The following LAMB1 variants were observed in gnomAD, a reference collection of about 807,000 sequenced individuals.
LAMB1 encodes the protein laminin subunit beta-1.
LAMB1 carries 121 observed loss-of-function variants against 222.3 expected under a neutral mutation model. That is an observed-to-expected ratio of 0.54 (90% confidence interval 0.47 to 0.63). The LOEUF (loss-of-function observed/expected upper bound fraction) is 0.63. Ranked by LOEUF, LAMB1 falls within the 30% of genes least tolerant of loss-of-function variation. The pLI is 0.00. For missense variants in LAMB1, 2,172 were observed against 2,240.8 expected, an observed-to-expected ratio of 0.97 and a Z score of 0.62; for synonymous variants, 794 against 807.2, an observed-to-expected ratio of 0.98 and a Z score of 0.28.
chr7:107,954,219 A>G (rs1218196541), intron 21 of LAMB1, among the ~76,000 whole-genome samples: 1 of 152,078 alleles, frequency 6.6e-6, no homozygotes, highest in African/African-American at 2.4e-5. Flanking sequence ...CAGTGACATG[A>G]TAATAGCTCA....
intron 13 of LAMB1, among the ~76,000 whole-genome samples, chr7:107,969,593 G>A (rs372016097): frequency 1.3e-5 from 2 of 152,124 alleles, no homozygotes; most frequent in African/African-American, 4.8e-5. Flanking sequence ...CTTAATGACT[G>A]GGATATGTTC....
chr7:107,975,374 A>G lies in LAMB1; in HGVS notation c.1229T>C (p.Ile410Thr). 1 of 1,613,562 alleles carries G rather than the reference A, an allele frequency of 6.2e-7. No homozygotes were observed. Among genetic ancestry groups the G allele is most frequent in the East Asian group, 2.2e-5 (1 of 44,882 alleles). ...CDPAGSQNEG[I>T]CDSYTDFSTG... ...AGAAAAATCAGTATAGCTGTCACAAATTCCCTCATTTTGAGAGCCAGCTGG... is the reference window on the plus strand; with the variant it reads ...AGAAAAATCAGTATAGCTGTCACAAGTTCCCTCATTTTGAGAGCCAGCTGG... Residue 410 changes from isoleucine (I) to threonine (T), a missense_variant, in exon 11 of 34, where the codon ATT becomes ACT. Coordinates refer to ENST00000222399, the MANE Select transcript of LAMB1 (RefSeq NM_002291.3).
chr7:107,976,713 A>G (rs923883327), intron 9 of LAMB1, among the ~76,000 whole-genome samples: 3 of 152,310 alleles, frequency 2.0e-5, no homozygotes, highest in Admixed American at 2.0e-4. Context: ...ACCTTGGAGT[A>G]ATCCTTCCCA....
Position 107,923,807 on chromosome 7 carries a change from A to G in LAMB1, c.*144T>C, listed in dbSNP as rs2032486909. 1 of 719,908 alleles carries G rather than the reference A, an allele frequency of 1.4e-6. No homozygotes were observed. Among genetic ancestry groups the G allele is most frequent in the Non-Finnish European group, 2.2e-6 (1 of 461,172 alleles). The allele number at this position is 719,908 out of a possible 1,614,324, so 44.6% of individuals were successfully genotyped here. A position where few individuals can be genotyped will look rare whatever the true frequency, so the allele number is the denominator to read the frequency against. On this transcript the variant is annotated 3_prime_UTR_variant, in exon 34 of 34. Transcript: ENST00000222399. ...TAACAAGTACACCAAAATATATACA[A>G]AAGCACTGTACTTTATTTAACTCCA...
At chr7:107,961,755 A>G (rs1277496803) in intron 15 of LAMB1, 79 bp from the exon 16 acceptor site, 6 of 1,461,862 alleles carry the variant, frequency 4.1e-6, no homozygotes, top group Non-Finnish European at 5.6e-6. Flanking sequence ...GAATCAATCA[A>G]TTGCCAAGTT....
At chr7:107,943,425 AC>A (rs1302528202) in intron 24 of LAMB1, among the ~76,000 whole-genome samples, 1 of 152,198 alleles carries the variant, frequency 6.6e-6, no homozygotes, top group Non-Finnish European at 1.5e-5. Flanking sequence ...TAGATAACTT[AC>A]AAATAACTTA....
At chr7:107,991,056 G>A (rs2034171866) in intron 5 of LAMB1, among the ~76,000 whole-genome samples, 1 of 151,944 alleles carries the variant, frequency 6.6e-6, no homozygotes, top group Non-Finnish European at 1.5e-5. Flanking sequence ...TCTTGTCAAT[G>A]GTTCCCAATT....
At chr7:107,962,770 G>A in intron 15 of LAMB1, 135 bp downstream of exon 15, 2 of 535,902 alleles carry the variant, frequency 3.7e-6, no homozygotes, top group Non-Finnish European at 6.2e-6. Flanking sequence ...CATGGAGGAG[G>A]TGAGACTATA....
In LAMB1 at chr7:107,964,660, T is replaced by C; in HGVS notation, c.1590A>G (p.Ser530=). ...GACGTCCAATCATGTGAGGCCGGCA[T>C]GAGCACTGGCCTGACTCCGCAAAGC... ...NSCFAESGQC[S]CRPHMIGRQC... is the part of the protein sequence containing the mutation. The change falls in exon 14 of 34, where the codon TCA becomes TCG. Residue 530 remains serine (S), a synonymous_variant. Coordinates refer to ENST00000222399, the MANE Select transcript of LAMB1 (RefSeq NM_002291.3). 3.7e-6 allele frequency: 6 copies of C among 1,614,080 alleles called. No homozygotes were observed. Among genetic ancestry groups the C allele is most frequent in the South Asian group, 1.1e-5 (1 of 91,070 alleles).
chr7:107,928,769 A>T (rs1208478486), intron 31 of LAMB1, among the ~76,000 whole-genome samples: 2 of 152,224 alleles, frequency 1.3e-5, no homozygotes, highest in Non-Finnish European at 2.9e-5. Context: ...CTGGAATTAC[A>T]GGCGTGAGCC....
At chr7:107,946,550 T>C (rs747218125) in intron 24 of LAMB1, among the ~76,000 whole-genome samples, 4 of 152,258 alleles carry the variant, frequency 2.6e-5, no homozygotes, top group African/African-American at 7.2e-5. Context: ...GTAAAACTTA[T>C]ATTAGCTACT....
At chr7:108,002,286 G>C (rs1225643749) in intron 2 of LAMB1, 1 of 1,317,348 alleles carries the variant, frequency 7.6e-7, no homozygotes, top group Non-Finnish European at 1.0e-6. Context: ...CGCGGTGGAC[G>C]CCGCTTTCCG....
intron 20 of LAMB1, among the ~76,000 whole-genome samples, chr7:107,958,819 A>G (rs2033431811): frequency 6.6e-6 from 1 of 152,218 alleles, no homozygotes; most frequent in South Asian, 2.1e-4. Flanking sequence ...AGTCTCCTGG[A>G]AACTGTAGTT....
chr7:107,967,997 G>GA (rs2033668650), intron 13 of LAMB1, among the ~76,000 whole-genome samples: 1 of 152,134 alleles, frequency 6.6e-6, no homozygotes, highest in Non-Finnish European at 1.5e-5. Flanking sequence ...GAGAGGACAG[G>GA]AATAACAGGA....
At chr7:107,994,671 G>C (rs1250556794) in intron 5 of LAMB1, among the ~76,000 whole-genome samples, 2 of 152,174 alleles carry the variant, frequency 1.3e-5, no homozygotes, top group Non-Finnish European at 2.9e-5. Context: ...AATTACCTTA[G>C]AATAGAGGCT....
chr7:107,975,964 C>T, intron 9 of LAMB1, 87 bp from the exon 10 acceptor site: 2 of 1,190,988 alleles, frequency 1.7e-6, no homozygotes, highest in Non-Finnish European at 2.3e-6. Flanking sequence ...CTTTAGGAAA[C>T]CAGGGACTAA....
At chr7:107,976,990 TTCCTCCTTCCTTCCTTTCCTCTCTC>T (rs2033876502) in intron 9 of LAMB1, among the ~76,000 whole-genome samples, 1 of 86,168 alleles carries the variant, frequency 1.2e-5, no homozygotes, top group Non-Finnish European at 2.5e-5. Context: ...TCCTTTCCTC[TTCCTCCTTCCTTCCTTTCCTCTCTC>T]TCCTTCCTTC....
intron 5 of LAMB1, among the ~76,000 whole-genome samples, chr7:107,989,731 G>C (rs1320807690): frequency 6.6e-6 from 1 of 152,184 alleles, no homozygotes; most frequent in African/African-American, 2.4e-5. Flanking sequence ...CTTGGGGAGA[G>C]GAAGAGAGGG....
At position 107,974,967 on chromosome 7, in the gene LAMB1, G is replaced by T. The variant is rs376329632; in HGVS notation, c.1482+19C>A. 7.2e-7 allele frequency: 1 copy of T among 1,381,688 alleles called. No individual in the cohort carries two copies. Among genetic ancestry groups the T allele is most frequent in the Non-Finnish European group, 1.0e-6 (1 of 971,648 alleles). 85.6% of individuals were successfully genotyped at this position (1,381,688 alleles called of 1,614,324 possible). On this transcript the variant is annotated intron_variant, in intron 12 of 33. Coordinates refer to ENST00000222399, the MANE Select transcript of LAMB1 (RefSeq NM_002291.3). ...CATCCTCACCAACCACCCATCCCACGTAATGAGGATTTACTTACCAGGCAC... is the reference window on the plus strand; with the variant it reads ...CATCCTCACCAACCACCCATCCCACTTAATGAGGATTTACTTACCAGGCAC...
Sources: allele counts gnomAD v4.1 joint callset (sites outside exome capture counted in the v4.1 genomes callset), GRCh38; gene constraint gnomAD v4.1.1; transcripts MANE v1.5; gene names NCBI Gene and HGNC (gene_info 2026-07-23, HGNC 2026-07-21).